The following UNC80 variants were observed in gnomAD, a reference collection of about 807,000 sequenced individuals.
The protein encoded by UNC80 is protein unc-80 homolog.
In UNC80, 164 loss-of-function variants were observed where a neutral mutation model predicts 384.6. The observed-to-expected ratio is 0.43, with a 90% CI of 0.38 to 0.49. The LOEUF (loss-of-function observed/expected upper bound fraction) is 0.49, where lower values mean the gene tolerates loss of function less well. Among genes scored for constraint, UNC80 ranks in the 20% least tolerant of loss-of-function variants. The pLI is 0.00. For synonymous variants in UNC80, 1,486 were observed against 1,527.8 expected, an observed-to-expected ratio of 0.97 and a Z score of 0.64; for missense variants, 3,330 against 4,143.0, an observed-to-expected ratio of 0.80 and a Z score of 5.39.
At chr2:209,777,170 A>T (rs893181565) in intron 3 of UNC80, 88 bp from the exon 4 acceptor site, 1 of 1,380,796 alleles carries the variant, frequency 7.2e-7, no homozygotes, top group Non-Finnish European at 9.8e-7. Context: ...TAGAGAAAGG[A>T]GGGATATTCT....
intron 13 of UNC80, among the ~76,000 whole-genome samples, chr2:209,824,300 T>A (rs2080349238): frequency 6.6e-6 from 1 of 152,134 alleles, no homozygotes; most frequent in African/African-American, 2.4e-5. Context: ...TATGAAGATA[T>A]GCGTGCAGGC....
intron 43 of UNC80, among the ~76,000 whole-genome samples, chr2:209,939,989 A>G (rs1238493195): frequency 2.0e-5 from 3 of 152,064 alleles, no homozygotes; most frequent in African/African-American, 7.2e-5. Flanking sequence ...CCCACGCTCC[A>G]CCTCCGGGTT....
Position 209,826,548 on chromosome 2 carries a change from C to T in UNC80, c.2478+495C>T, listed in dbSNP as rs537578905. ...GACTGTAAAAGTAACCAGTCATTTT[C>T]TGGCTGCTTTATTTGAGAATGAACC... On this transcript the variant is annotated intron_variant, in intron 14 of 64. Coordinates refer to ENST00000673920, the MANE Select transcript of UNC80 (RefSeq NM_001371986.1). Among the ~76,000 whole-genome samples the T allele has an allele frequency of 1.8e-3, 278 of 152,246 alleles. 3 individuals are homozygous for T. The highest frequency in any genetic ancestry group is 5.8e-4 in the East Asian group (3 of 5,186).
rs374099897 is a variant in UNC80 at position 209,994,130 on chromosome 2, G to A, written c.9574G>A (p.Ala3192Thr). The change falls in exon 64 of 65, where the codon GCG becomes ACG. Residue 3192 changes from alanine to threonine, a missense_variant. By Grantham distance (58) the Ala-to-Thr change is moderately conservative. Around this residue, in one of 8 missense-constraint regions of UNC80, gnomAD observed 236 missense variants for 254.9 expected, o/e 0.93. Transcript: ENST00000673920. ...QPEPAAAPTDALPATGQLQGC... is the reference protein window; with the variant it reads ...QPEPAAAPTDTLPATGQLQGC... Reference sequence around the variant, plus strand: ...AGAGCCAGCAGCTGCCCCAACAGATGCGCTTCCTGCAACAGGCCAACTACA... The same window carrying A: ...AGAGCCAGCAGCTGCCCCAACAGATACGCTTCCTGCAACAGGCCAACTACA... 8.2e-5 allele frequency: 127 copies of A among 1,551,704 alleles called. No homozygotes were observed. The African/African-American group carries it at 1.5e-3, about 19-fold the overall frequency.
At chr2:209,809,126 C>T (rs1255974536) in intron 7 of UNC80, 3 of 571,744 alleles carry the variant, frequency 5.2e-6, no homozygotes, top group Admixed American at 5.6e-5. Flanking sequence ...TCGTCTTTCT[C>T]CTCCACTTCA....
rs1382115182 is a variant in UNC80, at chr2:209,976,113, G to A, written c.8588-6G>A. 14 of 1,547,374 alleles carry A rather than the reference G, an allele frequency of 9.0e-6. No individual in the cohort carries two copies. The South Asian group carries it at 1.6e-4, about 17-fold the overall frequency. Reference sequence around the variant, plus strand: ...AGGCTCATTTTTCTCTTTTCCCGGTGTGAAGCGCTGAAGGTGATTCTCGTC... The same window carrying A: ...AGGCTCATTTTTCTCTTTTCCCGGTATGAAGCGCTGAAGGTGATTCTCGTC... On this transcript the variant is annotated splice_region_variant and splice_polypyrimidine_tract_variant and intron_variant, in intron 56 of 64. Transcript: ENST00000673920. The surrounding 1 kb of genome is among the most constrained non-coding windows in gnomAD (Gnocchi z 4.3).
intron 7 of UNC80, among the ~76,000 whole-genome samples, chr2:209,797,472 C>A (rs4423541): frequency 6.6e-6 from 1 of 151,946 alleles, no homozygotes; most frequent in East Asian, 1.9e-4. Flanking sequence ...TGGCTTCCAG[C>A]TTCATCCATG....
At position 209,912,633 on chromosome 2, in the gene UNC80, A is replaced by G; in HGVS notation, c.4856A>G (p.Lys1619Arg). The G allele has an allele frequency of 6.4e-7, 1 of 1,551,532 alleles. No individual in the cohort carries two copies. The highest frequency in any genetic ancestry group is 8.7e-7 in the Non-Finnish European group (1 of 1,146,892). ...RVSDANLEGK[K>R]DSGMLKYIRL... The stretch of plus-strand genomic sequence containing the variant: ...TCAGATGCCAATCTGGAAGGAAAAA[A>G]AGATTCCGGAATGCTGAAGTACATC... The change falls in exon 30 of 65, where the codon AAA (lysine) becomes AGA (arginine). Residue 1619 changes from lysine to arginine, a missense_variant. Lys to Arg is a conservative substitution (Grantham distance 26). Transcript: ENST00000673920.
chr2:209,967,264 A>G (rs142044427), intron 51 of UNC80, among the ~76,000 whole-genome samples, 173 bp from the exon 52 acceptor site: 153 of 152,184 alleles, frequency 1.0e-3, no homozygotes, highest in African/African-American at 3.5e-3. Flanking sequence ...TGTAGGTATC[A>G]CTGTTCTGAT....
chr2:209,784,505 T>C (rs2077317103), intron 4 of UNC80, among the ~76,000 whole-genome samples: 1 of 152,188 alleles, frequency 6.6e-6, no homozygotes, highest in Admixed American at 6.5e-5. Context: ...CTTGGCTGTT[T>C]CTGAACACAC....
chr2:209,858,779 A>C (rs951578583), intron 22 of UNC80, among the ~76,000 whole-genome samples: 1 of 150,806 alleles, frequency 6.6e-6, no homozygotes, highest in African/African-American at 2.4e-5. Flanking sequence ...TAGAAAATTT[A>C]GTCTATTTGT....
At chr2:209,967,728 A>G in intron 52 of UNC80, 91 bp downstream of exon 52, 1 of 1,335,156 alleles carries the variant, frequency 7.5e-7, no homozygotes, top group South Asian at 1.4e-5. Flanking sequence ...CTGGAGTTGA[A>G]TGGATGACTT....
In UNC80 at chr2:209,881,113, G is replaced by A; in HGVS notation, c.4110+19G>A. On this transcript the variant is annotated intron_variant, in intron 25 of 64. Coordinates refer to ENST00000673920, the MANE Select transcript of UNC80 (RefSeq NM_001371986.1). ...TCTGGTGGTAAGTTAAAGCATGCAA[G>A]TTAATAATCAGGTTACTCGGAGAGG... 6.4e-7 allele frequency: 1 copy of A among 1,551,326 alleles called. No individual in the cohort carries two copies. Among genetic ancestry groups the A allele is most frequent in the Non-Finnish European group, 8.7e-7 (1 of 1,146,818 alleles).
In UNC80 at chr2:209,839,258, A is replaced by G. The variant is rs112831177; in HGVS notation, c.3078A>G (p.Lys1026=). 2.6e-3 allele frequency: 4,052 copies of G among 1,551,556 alleles called. 100 individuals carry two copies. The African/African-American group carries it at 0.044, about 17-fold the overall frequency. Residue 1026 remains lysine (K), a synonymous_variant, in exon 19 of 65, where the codon AAA becomes AAG. Transcript: ENST00000673920. The surrounding 1 kb of genome is among the most constrained non-coding windows in gnomAD (Gnocchi z 4.1). ...TGCAAGGAGCCAACTTGGGGCGGAA[A>G]GATTTCTGGCGTAAGATGTTCAAGT... ...EQMQGANLGR[K]DFWRKMFKSQ...
chr2:209,936,570 A>G (rs1306089011), intron 40 of UNC80, among the ~76,000 whole-genome samples: 1 of 152,036 alleles, frequency 6.6e-6, no homozygotes, highest in African/African-American at 2.4e-5. Flanking sequence ...ATCAGTCTTT[A>G]TCGTACCATT....
At chr2:209,836,087 T>TAATGAATG (rs1269258245) in intron 18 of UNC80, among the ~76,000 whole-genome samples, 14 of 86,804 alleles carry the variant, frequency 1.6e-4, no homozygotes, top group African/African-American at 5.6e-4. Flanking sequence ...AATCTATATT[T>TAATGAATG]CATGAATGAA....
chr2:209,858,430 G>A (rs976603959), intron 22 of UNC80, among the ~76,000 whole-genome samples: 2 of 152,036 alleles, frequency 1.3e-5, no homozygotes, highest in Admixed American at 6.6e-5. Flanking sequence ...TATTTGGGCC[G>A]AGCATGGTGG....
intron 32 of UNC80, 69 bp downstream of exon 32, chr2:209,918,027 C>T (rs1209387092): frequency 1.4e-6 from 2 of 1,447,568 alleles, no homozygotes; most frequent in East Asian, 2.5e-5. Flanking sequence ...AACCGTTGAA[C>T]CTCAAAGTCA....
At chr2:209,899,997 T>C (rs182841677) in intron 28 of UNC80, among the ~76,000 whole-genome samples, 43 of 152,350 alleles carry the variant, frequency 2.8e-4, no homozygotes, top group Admixed American at 2.5e-3. Context: ...TCTGCCTAGC[T>C]TCTTGGCCAG....
Sources: gnomAD v4.1 joint callset for allele counts (sites outside exome capture counted in the v4.1 genomes callset) on GRCh38, gnomAD v4.1.1 for gene constraint, gnomAD v4.1.1 regional missense constraint, Gnocchi (gnomAD v3.1) non-coding constraint, MANE v1.5 for transcripts, NCBI Gene and HGNC (gene_info 2026-07-23, HGNC 2026-07-21) for gene names.